Variants in AK8 observed in about 807,000 individuals in gnomAD.
The protein encoded by AK8 is ATP-AMP transphosphorylase 8.
A neutral mutation model predicts 54.6 loss-of-function variants in AK8; 44 were observed. That is an observed-to-expected ratio of 0.81 (90% CI 0.63 to 1.04). AK8 has a LOEUF of 1.04. AK8 is among the 50% of genes least tolerant of loss of function. The pLI is 0.00. For synonymous variants in AK8, 239 were observed against 245.6 expected (o/e 0.97, Z 0.25); for missense variants, 555 against 613.6 (o/e 0.90, Z 1.01).
chr9:132,797,739 C>T lies in AK8; in HGVS notation c.980-4964G>A, dbSNP rs371967135. 1.3e-4 allele frequency among the ~76,000 whole-genome samples: 20 copies of T among 152,252 alleles called. No homozygotes were observed. The East Asian group carries it at 3.9e-3, about 29-fold the overall frequency. On this transcript the variant is annotated intron_variant, in intron 10 of 12. Coordinates refer to ENST00000298545, the MANE Select transcript of AK8 (RefSeq NM_152572.3). ...TTTTTTTAAAGGAAACCATTTAATG[C>T]TTAAAACAGATTGAAATGGCCCCTG...
In AK8 at chr9:132,762,035, A is replaced by G. The variant is rs146341469; in HGVS notation, c.1121+30599T>C. ...CAGCTGCATGCCACCATACCTGGCT[A>G]ATTTTTGTATTTTTAGTAGAAATGG... On this transcript the variant is annotated intron_variant, in intron 11 of 12. Coordinates refer to ENST00000298545, the MANE Select transcript of AK8 (RefSeq NM_152572.3). 1.2e-3 allele frequency among the ~76,000 whole-genome samples: 189 copies of G among 152,128 alleles called. 4 individuals carry two copies. In the East Asian group the frequency reaches 0.028, roughly 22 times the overall value.
intron 12 of AK8, among the ~76,000 whole-genome samples, chr9:132,727,198 T>G (rs911416117): frequency 6.6e-6 from 1 of 152,146 alleles, no homozygotes. Flanking sequence ...GATTAAGCTG[T>G]TGATCCCAGG....
At position 132,803,199 on chromosome 9, in the gene AK8, G is replaced by A. The variant is rs1050866606; in HGVS notation, c.980-10424C>T. On this transcript the variant is annotated intron_variant, in intron 10 of 12. Transcript: ENST00000298545. This position sits in a 1 kb window ranked among gnomAD's most constrained non-coding sequence, Gnocchi z 4.4. ...CCCCAAGATTCAATTACCTCCCACC[G>A]GGTCCCTCCCATGACACGTGAGGAT... is the stretch of plus-strand genomic sequence containing the variant. 3.9e-5 allele frequency among the ~76,000 whole-genome samples: 6 copies of A among 152,034 alleles called. No homozygotes were observed. The highest frequency in any genetic ancestry group is 5.9e-5 in the Non-Finnish European group (4 of 68,012).
Position 132,798,032 on chromosome 9 carries a change from C to T in AK8, c.980-5257G>A, listed in dbSNP as rs114267715. On this transcript the variant is annotated intron_variant, in intron 10 of 12. Transcript: ENST00000298545. Reference sequence around the variant, plus strand: ...GGCTCACAGTTCCTCACTGGGGCTGCGTGGCTAAGGAACTGCACTGGTCCT... The same window carrying T: ...GGCTCACAGTTCCTCACTGGGGCTGTGTGGCTAAGGAACTGCACTGGTCCT... Among the ~76,000 whole-genome samples the T allele has an allele frequency of 6.7e-3, 1,025 of 152,308 alleles. 5 individuals are homozygous for T. Among genetic ancestry groups the T allele is most frequent in the African/African-American group, 0.019 (795 of 41,570 alleles).
intron 4 of AK8, among the ~76,000 whole-genome samples, chr9:132,855,229 C>T (rs924547128): frequency 1.3e-5 from 2 of 152,180 alleles, no homozygotes; most frequent in South Asian, 2.1e-4. Flanking sequence ...TGCCAGCCTG[C>T]AGGAAGCCCT....
chr9:132,853,692 G>A (rs1301054422), intron 5 of AK8, among the ~76,000 whole-genome samples: 1 of 148,988 alleles, frequency 6.7e-6, no homozygotes, highest in Non-Finnish European at 1.5e-5. Flanking sequence ...AGGTTGAGGC[G>A]AGAGGATCTC....
At chr9:132,737,624 T>A (rs1837182276) in intron 11 of AK8, among the ~76,000 whole-genome samples, 1 of 152,216 alleles carries the variant, frequency 6.6e-6, no homozygotes, top group Non-Finnish European at 1.5e-5. Context: ...AGAAAAAGTT[T>A]ATAATCATCT....
At chr9:132,819,678 C>T (rs758541420) in intron 9 of AK8, among the ~76,000 whole-genome samples, 4 of 152,134 alleles carry the variant, frequency 2.6e-5, no homozygotes, top group East Asian at 1.9e-4. Flanking sequence ...TTATCCTAAT[C>T]GATATTATAG....
In AK8 at chr9:132,840,401, GACACTCAC is replaced by G. The variant is rs1236834868; in HGVS notation, c.403-11683_403-11676del. The stretch of plus-strand genomic sequence containing the variant: ...GAGTGGTGGGACTCAATCCCAAGTG[GACACTCAC>G]ACACACACACACACACACACACACA... On this transcript the variant is annotated intron_variant, in intron 5 of 12. Coordinates refer to ENST00000298545, the MANE Select transcript of AK8 (RefSeq NM_152572.3). Among the ~76,000 whole-genome samples the G allele has an allele frequency of 4.7e-5, 5 of 105,380 alleles. No homozygotes were observed. The South Asian group carries it at 1.0e-3, about 21-fold the overall frequency. The allele number at this position is 105,380 out of a possible 152,430, so 69.1% of individuals were successfully genotyped here. A position where few individuals can be genotyped will look rare whatever the true frequency, so the allele number is the denominator to read the frequency against.
At chr9:132,762,004 A>T (rs1446048842) in intron 11 of AK8, among the ~76,000 whole-genome samples, 1 of 152,016 alleles carries the variant, frequency 6.6e-6, no homozygotes, top group South Asian at 2.1e-4. Flanking sequence ...CGAGTAGCTG[A>T]GACTACAGCT....
chr9:132,807,839 A>G (rs936008292), intron 10 of AK8, among the ~76,000 whole-genome samples: 1 of 152,158 alleles, frequency 6.6e-6, no homozygotes, highest in African/African-American at 2.4e-5. Flanking sequence ...TTTCCTTAGG[A>G]AGCTCTGGGC....
chr9:132,753,432 A>T (rs563437690), intron 11 of AK8, among the ~76,000 whole-genome samples: 40 of 152,364 alleles, frequency 2.6e-4, no homozygotes, highest in Non-Finnish European at 4.8e-4. Flanking sequence ...GCCCAGTTAG[A>T]ACTGCTCATT....
At chr9:132,778,360 T>C (rs375151761) in intron 11 of AK8, among the ~76,000 whole-genome samples, 3 of 152,134 alleles carry the variant, frequency 2.0e-5, no homozygotes, top group African/African-American at 7.2e-5. Flanking sequence ...GCCACTGGAT[T>C]TTGCTGCTGA....
intron 9 of AK8, among the ~76,000 whole-genome samples, chr9:132,816,506 G>A (rs1023668447): frequency 6.6e-6 from 1 of 152,200 alleles, no homozygotes; most frequent in Non-Finnish European, 1.5e-5. Flanking sequence ...GAGGCTCAAA[G>A]AGATGAAATA....
rs1840337927 is a variant in AK8, at chr9:132,799,445, C to A, written c.980-6670G>T. ...AAAGAGCTGAGTGCCTCCCCACACA[C>A]CCTTGCACATGCCCTGCACACGTCA... On this transcript the variant is annotated intron_variant, in intron 10 of 12. Transcript: ENST00000298545. This position sits in a 1 kb window ranked among gnomAD's most constrained non-coding sequence, Gnocchi z 5.0. Among the ~76,000 whole-genome samples the A allele has an allele frequency of 6.6e-6, 1 of 152,104 alleles. No homozygotes were observed. Among genetic ancestry groups the A allele is most frequent in the African/African-American group, 2.4e-5 (1 of 41,384 alleles).
At chr9:132,850,774 TCCTCCTGCCTTGG>T (rs1842942489) in intron 5 of AK8, among the ~76,000 whole-genome samples, 1 of 149,992 alleles carries the variant, frequency 6.7e-6, no homozygotes, top group Non-Finnish European at 1.5e-5. Flanking sequence ...ACTCAAGCAA[TCCTCCTGCCTTGG>T]CCTCCCAAAG....
chr9:132,751,526 C>T (rs1008739903), intron 11 of AK8, among the ~76,000 whole-genome samples: 14 of 145,698 alleles, frequency 9.6e-5, no homozygotes, highest in Non-Finnish European at 1.9e-4. Context: ...GCCACGATGA[C>T]AGAGTGAGAC....
intron 11 of AK8, among the ~76,000 whole-genome samples, chr9:132,758,007 G>A (rs1473132148): frequency 6.6e-6 from 1 of 152,246 alleles, no homozygotes; most frequent in African/African-American, 2.4e-5. Flanking sequence ...TCACATCGCT[G>A]TCCTGATGTC....
chr9:132,844,297 CA>C (rs35309762), intron 5 of AK8, among the ~76,000 whole-genome samples: 38,129 of 92,654 alleles, frequency 0.41, 6,088 homozygotes, highest in South Asian at 0.57. Flanking sequence ...TGCATTAGAC[CA>C]AAAAAAAAAA....
Sources: allele counts gnomAD v4.1 joint callset (sites outside exome capture counted in the v4.1 genomes callset), GRCh38; gene constraint gnomAD v4.1.1; non-coding constraint Gnocchi (gnomAD v3.1); transcripts MANE v1.5; gene names NCBI Gene and HGNC (gene_info 2026-07-23, HGNC 2026-07-21).